The following RHOBTB1 variants were observed in gnomAD, a reference collection of about 807,000 sequenced individuals.
The protein encoded by RHOBTB1 is rho-related BTB domain-containing protein 1.
In RHOBTB1, 40 loss-of-function variants were observed where a neutral mutation model predicts 71.6. The ratio of observed to expected loss-of-function variants is 0.56; its 90% CI spans 0.43 to 0.73. RHOBTB1 has a LOEUF of 0.73. RHOBTB1 is among the 30% of genes least tolerant of loss of function. RHOBTB1 has a pLI of 0.00. For missense variants in RHOBTB1, 797 were observed against 894.0 expected, an observed-to-expected ratio of 0.89 and a Z score of 1.38; for synonymous variants, 319 against 334.9, an observed-to-expected ratio of 0.95 and a Z score of 0.52.
intron 2 of RHOBTB1, among the ~76,000 whole-genome samples, chr10:60,918,648 G>A (rs1244620782): frequency 6.6e-6 from 1 of 152,162 alleles, no homozygotes; most frequent in African/African-American, 2.4e-5. Context: ...ACCCCACTAG[G>A]GGTCTCCTAA....
intron 2 of RHOBTB1, among the ~76,000 whole-genome samples, chr10:60,981,211 CT>C (rs1201997532): frequency 6.6e-6 from 1 of 152,074 alleles, no homozygotes; most frequent in Non-Finnish European, 1.5e-5. Context: ...AGTTATCATT[CT>C]TTACAATGAG....
chr10:60,952,626 A>T (rs2085452271), intron 2 of RHOBTB1, among the ~76,000 whole-genome samples: 1 of 152,328 alleles, frequency 6.6e-6, no homozygotes, highest in African/African-American at 2.4e-5. Flanking sequence ...ACTTTCATAT[A>T]ATTAGCATTT....
In RHOBTB1 at chr10:60,886,112, C is replaced by A. The variant is rs752168943; in HGVS notation, c.1575G>T (p.Glu525Asp). The change falls in exon 7 of 11, where the codon GAG (glutamate) becomes GAT (aspartate). Residue 525 changes from glutamate to aspartate, a missense_variant and splice_region_variant. This residue lies in a region of RHOBTB1 where 658 missense variants were observed against 681.5 expected (regional missense o/e 0.97). Coordinates refer to ENST00000337910, the MANE Select transcript of RHOBTB1 (RefSeq NM_014836.5). The part of the protein sequence containing the change: ...GGSFVESANS[E>D]VYLPNINKIS... ...ACTATGCTTTTAGGAAGGCACGTACCTCACTGTTGGCACTTTCCACAAATG... is the reference window on the plus strand; with the variant it reads ...ACTATGCTTTTAGGAAGGCACGTACATCACTGTTGGCACTTTCCACAAATG... The A allele has an allele frequency of 1.9e-6, 3 of 1,609,124 alleles. No homozygotes were observed. The highest frequency in any genetic ancestry group is 2.6e-6 in the Non-Finnish European group (3 of 1,175,500).
chr10:60,954,324 A>T (rs1316281866), intron 2 of RHOBTB1, among the ~76,000 whole-genome samples: 1 of 152,228 alleles, frequency 6.6e-6, no homozygotes, highest in Non-Finnish European at 1.5e-5. Flanking sequence ...TACACTCTTC[A>T]TGTTGAAATT....
chr10:60,863,964 C>T, the RHOBTB1 span, among the ~76,000 whole-genome samples: 3 of 152,216 alleles, frequency 2.0e-5, no homozygotes, highest in Admixed American at 6.5e-5. Flanking sequence ...TCCCTGCCTC[C>T]GGCCTGAAAT....
At chr10:60,990,775 G>C (rs1004949183) in intron 1 of RHOBTB1, among the ~76,000 whole-genome samples, 4 of 152,020 alleles carry the variant, frequency 2.6e-5, no homozygotes, top group African/African-American at 7.2e-5. Flanking sequence ...TCTATAACTT[G>C]CTTCATTATC....
chr10:60,949,727 T>C (rs1299348959), intron 2 of RHOBTB1, among the ~76,000 whole-genome samples: 1 of 148,394 alleles, frequency 6.7e-6, no homozygotes, highest in African/African-American at 2.5e-5. Flanking sequence ...AGATAAATAC[T>C]TAAGCTAACC....
intron 2 of RHOBTB1, among the ~76,000 whole-genome samples, chr10:60,922,861 T>C (rs2083649623): frequency 6.6e-6 from 1 of 152,200 alleles, no homozygotes; most frequent in African/African-American, 2.4e-5. Flanking sequence ...ATAGAACTGA[T>C]TGATCTTCTG....
chr10:60,886,025 T>A, intron 7 of RHOBTB1, 87 bp downstream of exon 7: 1 of 938,620 alleles, frequency 1.1e-6, no homozygotes, highest in East Asian at 2.4e-5. Flanking sequence ...AGGATTAAAG[T>A]CATCTGGCTG....
intron 4 of RHOBTB1, among the ~76,000 whole-genome samples, chr10:60,904,456 T>A (rs930416289): frequency 2.0e-5 from 3 of 152,214 alleles, no homozygotes; most frequent in African/African-American, 7.2e-5. Context: ...AGGAAACCAG[T>A]GATCTACTTT....
intron 5 of RHOBTB1, 25 bp from the exon 6 acceptor site, chr10:60,889,210 A>G: frequency 6.4e-7 from 1 of 1,572,176 alleles, no homozygotes; most frequent in South Asian, 1.2e-5. Flanking sequence ...TTTAAAAATT[A>G]TAATCAGCCT....
intron 2 of RHOBTB1, among the ~76,000 whole-genome samples, chr10:60,983,286 T>C (rs983807027): frequency 1.5e-4 from 23 of 152,316 alleles, no homozygotes; most frequent in Admixed American, 1.3e-3. Flanking sequence ...TAGGAGACTA[T>C]TGGTATTACA....
At chr10:60,872,032 T>C (rs913040099) in intron 10 of RHOBTB1, 153 bp downstream of exon 10, 11 of 691,186 alleles carry the variant, frequency 1.6e-5, no homozygotes, top group Non-Finnish European at 2.6e-5. Context: ...CAATTCCTTA[T>C]GTCATCTCAC....
intron 4 of RHOBTB1, among the ~76,000 whole-genome samples, chr10:60,899,756 A>C (rs2082325138): frequency 6.6e-6 from 1 of 152,226 alleles, no homozygotes; most frequent in South Asian, 2.1e-4. Flanking sequence ...TGTCCTTGTC[A>C]CACTTGATCT....
At chr10:60,897,425 G>A (rs752546586) in intron 4 of RHOBTB1, among the ~76,000 whole-genome samples, 24 of 152,162 alleles carry the variant, frequency 1.6e-4, no homozygotes, top group Non-Finnish European at 3.4e-4. Flanking sequence ...TCCTTTTCTA[G>A]TATCATTTAT....
At chr10:61,001,587 GC>G (rs1305519863), upstream of RHOBTB1, 3 of 152,166 alleles carry the variant, frequency 2.0e-5, no homozygotes, top group Non-Finnish European at 2.9e-5. Context: ...CTCGCTCCCG[GC>G]CCGGCAGCCG....
At chr10:60,951,335 G>A (rs1342827057) in intron 2 of RHOBTB1, among the ~76,000 whole-genome samples, 2 of 111,694 alleles carry the variant, frequency 1.8e-5, no homozygotes, top group Non-Finnish European at 3.9e-5. Flanking sequence ...CTTTCATAAT[G>A]GTTCCTAATC....
intron 2 of RHOBTB1, among the ~76,000 whole-genome samples, chr10:60,963,924 G>A (rs1321526284): frequency 2.0e-5 from 3 of 152,028 alleles, no homozygotes; most frequent in Non-Finnish European, 4.4e-5. Context: ...CTTAAGGATT[G>A]TTTCAAAATG....
chr10:60,881,212 C>T (rs944488299), intron 7 of RHOBTB1, among the ~76,000 whole-genome samples: 7 of 152,130 alleles, frequency 4.6e-5, no homozygotes, highest in Non-Finnish European at 8.8e-5. Flanking sequence ...TGAGGCCTCC[C>T]AAGCCATGTG....
Sources: allele counts gnomAD v4.1 joint callset (sites outside exome capture counted in the v4.1 genomes callset), GRCh38; gene constraint gnomAD v4.1.1; regional missense constraint gnomAD v4.1.1; transcripts MANE v1.5; gene names NCBI Gene and HGNC (gene_info 2026-07-23, HGNC 2026-07-21).